SMYD3: variants seen among roughly 807,000 people sequenced by gnomAD.
The protein encoded by SMYD3 is SET and MYND domain containing 3, also known as histone-lysine N-methyltransferase SMYD3.
Under a neutral mutation model 57.7 loss-of-function variants are expected in SMYD3, and 36 were observed. That is an observed-to-expected ratio of 0.62 (90% CI 0.48 to 0.82). The LOEUF (loss-of-function observed/expected upper bound fraction) is 0.82, where lower values mean the gene tolerates loss of function less well. SMYD3 is among the 40% of genes least tolerant of loss of function. SMYD3 has a pLI of 0.00. For missense variants in SMYD3, 515 were observed against 538.8 expected, an observed-to-expected ratio of 0.96 and a Z score of 0.44; for synonymous variants, 211 against 195.0, an observed-to-expected ratio of 1.08 and a Z score of -0.68.
At chr1:246,065,975 T>G (rs2060333734) in intron 5 of SMYD3, among the ~76,000 whole-genome samples, 1 of 152,214 alleles carries the variant, frequency 6.6e-6, no homozygotes, top group Non-Finnish European at 1.5e-5. Context: ...CTGTTTTTGT[T>G]GTAAACTGCC....
chr1:245,910,639 G>T (rs779830059), intron 8 of SMYD3, among the ~76,000 whole-genome samples: 1 of 151,918 alleles, frequency 6.6e-6, no homozygotes, highest in Non-Finnish European at 1.5e-5. Context: ...TTAGTCAATG[G>T]AGTTTCAAGA....
At chr1:246,077,783 C>T (rs77226390) in intron 5 of SMYD3, among the ~76,000 whole-genome samples, 13,671 of 152,022 alleles carry the variant, frequency 0.09, 1,866 homozygotes, top group African/African-American at 0.29. Flanking sequence ...CAGTTCTCAT[C>T]CCACAGGATT....
chr1:245,935,733 G>A (rs1000960901), intron 5 of SMYD3, among the ~76,000 whole-genome samples: 29 of 152,208 alleles, frequency 1.9e-4, no homozygotes, highest in African/African-American at 7.0e-4. Flanking sequence ...TCATTTGCAA[G>A]AATATGGATG....
At chr1:246,419,440 G>C (rs533597070) in intron 1 of SMYD3, among the ~76,000 whole-genome samples, 1 of 152,190 alleles carries the variant, frequency 6.6e-6, no homozygotes, top group African/African-American at 2.4e-5. Flanking sequence ...TTCTGTCTGT[G>C]CCTTGCTAGG....
At chr1:245,764,876 T>TTACTGTGTA (rs1259102008) in intron 10 of SMYD3, among the ~76,000 whole-genome samples, 1 of 152,106 alleles carries the variant, frequency 6.6e-6, no homozygotes, top group Non-Finnish European at 1.5e-5. Context: ...ATGGGCTGTT[T>TTACTGTGTA]CAGACCCTGT....
chr1:245,799,785 C>T (rs1363445995), intron 10 of SMYD3, among the ~76,000 whole-genome samples: 1 of 152,130 alleles, frequency 6.6e-6, no homozygotes, highest in Non-Finnish European at 1.5e-5. Context: ...CCTCGGCACA[C>T]CTGTCCACCT....
rs150369767 is a variant in SMYD3, at chr1:246,290,685, C to G, written c.531+36516G>C. On this transcript the variant is annotated intron_variant, in intron 5 of 11. Coordinates refer to ENST00000490107, the MANE Select transcript of SMYD3 (RefSeq NM_001167740.2). ...GGCAGAAGGAATAAAAGCACCTCAG[C>G]CTCTCACAATGAACTGAAAAACCCT... Among the ~76,000 whole-genome samples the G allele has an allele frequency of 2.1e-3, 324 of 152,234 alleles. 3 individuals carry two copies. Among genetic ancestry groups the G allele is most frequent in the African/African-American group, 7.3e-3 (305 of 41,532 alleles).
chr1:246,053,322 A>G (rs2060092863), intron 5 of SMYD3, among the ~76,000 whole-genome samples: 1 of 152,212 alleles, frequency 6.6e-6, no homozygotes, highest in Admixed American at 6.5e-5. Context: ...TAAAAAGCTA[A>G]CAAGCTGATT....
At chr1:245,963,121 G>C (rs2058051971) in intron 5 of SMYD3, among the ~76,000 whole-genome samples, 2 of 152,054 alleles carry the variant, frequency 1.3e-5, no homozygotes, top group Admixed American at 6.5e-5. Flanking sequence ...CTAACAACAA[G>C]TAAAAAGCTA....
At chr1:246,482,462 T>C (rs111258743) in intron 1 of SMYD3, among the ~76,000 whole-genome samples, 1 of 151,676 alleles carries the variant, frequency 6.6e-6, no homozygotes, top group Admixed American at 6.6e-5. Context: ...ATTTTTTTTT[T>C]CCACAGTTAC....
intron 5 of SMYD3, among the ~76,000 whole-genome samples, chr1:246,168,436 A>G (rs2062260637): frequency 6.6e-6 from 1 of 152,178 alleles, no homozygotes; most frequent in African/African-American, 2.4e-5. Context: ...ATTAATTTTT[A>G]AATATCTTTT....
At chr1:245,929,564 C>G (rs2056597706) in intron 6 of SMYD3, among the ~76,000 whole-genome samples, 1 of 152,156 alleles carries the variant, frequency 6.6e-6, no homozygotes, top group African/African-American at 2.4e-5. Context: ...TGGGGAATAA[C>G]CAAAAATCAG....
chr1:246,350,198 G>A (rs1402505257), intron 2 of SMYD3, among the ~76,000 whole-genome samples: 1 of 152,184 alleles, frequency 6.6e-6, no homozygotes, highest in Non-Finnish European at 1.5e-5. Flanking sequence ...GTGAGTTTGT[G>A]CTCACCCCAA....
intron 1 of SMYD3, among the ~76,000 whole-genome samples, chr1:246,358,381 C>T (rs1393783523): frequency 6.6e-6 from 1 of 152,018 alleles, no homozygotes; most frequent in African/African-American, 2.4e-5. Flanking sequence ...TTTTATTATT[C>T]CACTGTCAGC....
intron 4 of SMYD3, among the ~76,000 whole-genome samples, chr1:246,330,004 A>G (rs1251784037): frequency 6.6e-6 from 1 of 152,200 alleles, no homozygotes; most frequent in African/African-American, 2.4e-5. Flanking sequence ...GGCTACCTAC[A>G]TGGTAGTTTC....
chr1:246,342,063 C>T (rs1040096119), intron 2 of SMYD3, among the ~76,000 whole-genome samples: 1 of 152,164 alleles, frequency 6.6e-6, no homozygotes, highest in African/African-American at 2.4e-5. Context: ...AGGTTTGAAA[C>T]CTGCTTGGGT....
intron 8 of SMYD3, among the ~76,000 whole-genome samples, chr1:245,869,416 A>G (rs929919776): frequency 1.3e-5 from 2 of 152,192 alleles, no homozygotes; most frequent in South Asian, 4.1e-4. Flanking sequence ...CCTCACCTGC[A>G]GAAGGAGCAG....
intron 8 of SMYD3, among the ~76,000 whole-genome samples, chr1:245,898,450 C>T (rs530111394): frequency 6.6e-6 from 1 of 152,212 alleles, no homozygotes; most frequent in African/African-American, 2.4e-5. Context: ...ATGTTAGGGT[C>T]GCAACTAGAG....
intron 8 of SMYD3, among the ~76,000 whole-genome samples, chr1:245,868,776 TC>T (rs1398541662): frequency 1.3e-5 from 2 of 152,072 alleles, no homozygotes; most frequent in Non-Finnish European, 2.9e-5. Flanking sequence ...GGTTCCAACT[TC>T]CCCTGACCCT....
Sources: allele counts gnomAD v4.1 joint callset (sites outside exome capture counted in the v4.1 genomes callset), GRCh38; gene constraint gnomAD v4.1.1; transcripts MANE v1.5; gene names NCBI Gene and HGNC (gene_info 2026-07-23, HGNC 2026-07-21).